TMEM245: variants seen among roughly 807,000 people sequenced by gnomAD.
TMEM245 encodes the protein protein CG-2.
A neutral mutation model predicts 101.2 loss-of-function variants in TMEM245; 69 were observed. The ratio of observed to expected loss-of-function variants is 0.68; its 90% CI spans 0.56 to 0.83. The LOEUF (loss-of-function observed/expected upper bound fraction) is 0.83, where lower values mean the gene tolerates loss of function less well. Among genes scored for constraint, TMEM245 ranks in the 40% least tolerant of loss-of-function variants. The pLI is 0.00. For missense variants in TMEM245, 1,075 were observed against 1,092.8 expected (o/e 0.98, Z 0.23); for synonymous variants, 537 against 449.8 (o/e 1.19, Z -2.45).
chr9:109,057,884 T>C (rs1032750447), intron 11 of TMEM245, among the ~76,000 whole-genome samples: 1 of 152,102 alleles, frequency 6.6e-6, no homozygotes, highest in South Asian at 2.1e-4. Context: ...AAAGACATCT[T>C]ATTTCTCAGT....
At chr9:109,073,128 T>C (rs558581764) in intron 9 of TMEM245, 2 of 508,800 alleles carry the variant, frequency 3.9e-6, no homozygotes, top group Non-Finnish European at 7.1e-6. Flanking sequence ...ACCTCAATTA[T>C]AAAACAAAGT....
At position 109,119,710 on chromosome 9, in the gene TMEM245, G is replaced by A. The variant is rs749189228; in HGVS notation, c.204C>T (p.Gly68=). The change falls in exon 1 of 18, where the codon GGC becomes GGT. Residue 68 remains glycine (G), a synonymous_variant. Transcript: ENST00000374586. ...GGATGAAGTAGACCAGCACCGCGGC[G>A]CCGCAGCACAGGCACACGAACAGCA... ...GAVLFVCLCC[G]AAVLVYFILE... The A allele has an allele frequency of 5.2e-6, 8 of 1,549,272 alleles. No homozygotes were observed. Among genetic ancestry groups the A allele is most frequent in the Middle Eastern group, 3.4e-4 (2 of 5,936 alleles).
intron 7 of TMEM245, among the ~76,000 whole-genome samples, chr9:109,083,612 C>T (rs984168121): frequency 6.6e-6 from 1 of 152,080 alleles, no homozygotes; most frequent in African/African-American, 2.4e-5. Context: ...AAAACTTCTA[C>T]ACTAACTGGC....
chr9:109,043,835 G>T (rs1296002616), intron 14 of TMEM245, among the ~76,000 whole-genome samples: 1 of 152,100 alleles, frequency 6.6e-6, no homozygotes, highest in Non-Finnish European at 1.5e-5. Flanking sequence ...TCCATTGGAA[G>T]GTAGGCCATC....
chr9:109,078,357 T>C (rs1451095096), intron 8 of TMEM245, among the ~76,000 whole-genome samples: 1 of 152,196 alleles, frequency 6.6e-6, no homozygotes, highest in Non-Finnish European at 1.5e-5. Context: ...TTTCATCCCT[T>C]TCTTTGGATC....
chr9:109,108,581 T>G lies in TMEM245; in HGVS notation c.580-11A>C, dbSNP rs770548547. ...CACCAACGTCCAGATCTTAAATAAATGAAAGACACAGCTGTAAAATCTATA... is the reference window on the plus strand; with the variant it reads ...CACCAACGTCCAGATCTTAAATAAAGGAAAGACACAGCTGTAAAATCTATA... On this transcript the variant is annotated splice_polypyrimidine_tract_variant and intron_variant, in intron 1 of 17. Coordinates refer to ENST00000374586, the MANE Select transcript of TMEM245 (RefSeq NM_032012.4). The G allele has an allele frequency of 6.4e-7, 1 of 1,566,070 alleles. No individual in the cohort carries two copies. The highest frequency in any genetic ancestry group is 8.7e-7 in the Non-Finnish European group (1 of 1,151,502).
intron 11 of TMEM245, among the ~76,000 whole-genome samples, chr9:109,058,064 G>A (rs1237093026): frequency 2.0e-5 from 3 of 148,186 alleles, no homozygotes; most frequent in Admixed American, 6.8e-5. Flanking sequence ...GCAGTGGTGC[G>A]ATTTCGGCTC....
chr9:109,071,171 C>T (rs114011920), intron 9 of TMEM245, among the ~76,000 whole-genome samples: 347 of 152,140 alleles, frequency 2.3e-3, no homozygotes, highest in African/African-American at 8.0e-3. Context: ...GTGAGCCACC[C>T]ACCGCACCTG....
intron 10 of TMEM245, among the ~76,000 whole-genome samples, chr9:109,063,044 TGA>T (rs1362289890): frequency 6.6e-6 from 1 of 152,134 alleles, no homozygotes; most frequent in Non-Finnish European, 1.5e-5. Context: ...CCTCTGCATA[TGA>T]GAGGCAACCA....
In TMEM245 at chr9:109,054,598, C is replaced by G. The variant is rs78736387; in HGVS notation, c.1854+2593G>C. ...ATGAACGAGACTGGCCCTAAGCCACCTATTTACAACAATATCCAAAAAACA... is the reference window on the plus strand; with the variant it reads ...ATGAACGAGACTGGCCCTAAGCCACGTATTTACAACAATATCCAAAAAACA... On this transcript the variant is annotated intron_variant, in intron 12 of 17. Coordinates refer to ENST00000374586, the MANE Select transcript of TMEM245 (RefSeq NM_032012.4). 5.9e-3 allele frequency among the ~76,000 whole-genome samples: 895 copies of G among 152,042 alleles called. 23 individuals carry two copies. The highest frequency in any genetic ancestry group is 4.1e-3 in the Non-Finnish European group (279 of 68,004).
At position 109,093,583 on chromosome 9, in the gene TMEM245, ACT is replaced by A; in HGVS notation, c.806_807del (p.Glu269ValfsTer24). 3.7e-6 allele frequency: 6 copies of A among 1,613,694 alleles called. No individual in the cohort carries two copies. In the South Asian group the frequency reaches 6.6e-5, roughly 18 times the overall value. ...KQNGKESSGA[E>X]LPGQVISMAA... ...GCCATGGAGATAACCTGCCCTGGTA[ACT>A]CTGCCCCTGTAAAAGAAGCATCCAT... On this transcript the variant is annotated frameshift_variant, in exon 4 of 18. Coordinates refer to ENST00000374586, the MANE Select transcript of TMEM245 (RefSeq NM_032012.4). LOFTEE classifies it high-confidence loss of function.
chr9:109,050,176 T>C lies in TMEM245; in HGVS notation c.2123+107A>G, dbSNP rs1007167629. ...AAAACCTTGAAAATACCAGAGTCCA[T>C]CACGAGTTTAGCACTGAATGTTATC... On this transcript the variant is annotated intron_variant, in intron 14 of 17. Coordinates refer to ENST00000374586, the MANE Select transcript of TMEM245 (RefSeq NM_032012.4). 2.4e-6 allele frequency: 3 copies of C among 1,266,614 alleles called. No homozygotes were observed. In the Admixed American group the frequency reaches 6.7e-5, roughly 28 times the overall value. The allele number at this position is 1,266,614 out of a possible 1,614,324, so 78.5% of individuals were successfully genotyped here.
chr9:109,035,472 G>C (rs932740106), intron 16 of TMEM245, among the ~76,000 whole-genome samples: 3 of 152,110 alleles, frequency 2.0e-5, no homozygotes, highest in Non-Finnish European at 2.9e-5. Flanking sequence ...TTCTGACTTA[G>C]ATTTAACCTG....
chr9:109,022,620 T>C (rs1220718955), intron 17 of TMEM245, among the ~76,000 whole-genome samples: 2 of 152,100 alleles, frequency 1.3e-5, no homozygotes, highest in Non-Finnish European at 2.9e-5. Context: ...ACATGAGAAA[T>C]TGTCTGGGGA....
At chr9:109,095,389 TA>T in intron 3 of TMEM245, among the ~76,000 whole-genome samples, 1 of 152,278 alleles carries the variant, frequency 6.6e-6, no homozygotes, top group East Asian at 1.9e-4. Context: ...ATGGTTGCTA[TA>T]AAAAGAAATG....
chr9:109,050,520 T>C lies in TMEM245; in HGVS notation c.1977+50A>G, dbSNP rs531811459. On this transcript the variant is annotated intron_variant, in intron 13 of 17. Coordinates refer to ENST00000374586, the MANE Select transcript of TMEM245 (RefSeq NM_032012.4). Reference sequence around the variant, plus strand: ...GCAATTGCAAATGAAACCAGAAATATGCTTTAACAGGGAAGGAAATATGAC... The same window carrying C: ...GCAATTGCAAATGAAACCAGAAATACGCTTTAACAGGGAAGGAAATATGAC... The C allele has an allele frequency of 1.3e-5, 21 of 1,612,912 alleles. No homozygotes were observed. The South Asian group carries it at 1.8e-4, about 13-fold the overall frequency.
chr9:109,083,406 T>C (rs1297344849), intron 7 of TMEM245, among the ~76,000 whole-genome samples: 1 of 152,166 alleles, frequency 6.6e-6, no homozygotes, highest in African/African-American at 2.4e-5. Flanking sequence ...CGCATGGAAA[T>C]TACCAAGTCT....
At chr9:109,088,293 C>A (rs1306365827) in intron 5 of TMEM245, among the ~76,000 whole-genome samples, 1 of 152,162 alleles carries the variant, frequency 6.6e-6, no homozygotes, top group African/African-American at 2.4e-5. Flanking sequence ...CCTACAAAAG[C>A]CCTAAAAGAA....
chr9:109,073,716 T>C (rs74548489), intron 8 of TMEM245, among the ~76,000 whole-genome samples: 20,462 of 152,300 alleles, frequency 0.13, 1,614 homozygotes, highest in African/African-American at 0.19. Context: ...CACGTATATG[T>C]ACATACATTT....
Sources: allele counts gnomAD v4.1 joint callset (sites outside exome capture counted in the v4.1 genomes callset), GRCh38; gene constraint gnomAD v4.1.1; transcripts MANE v1.5; gene names NCBI Gene and HGNC (gene_info 2026-07-23, HGNC 2026-07-21).